COLEC11: variants seen among roughly 807,000 people sequenced by gnomAD.
COLEC11 encodes collectin subfamily member 11.
COLEC11 carries 20 observed loss-of-function variants against 27.3 expected under a neutral mutation model. That is an observed-to-expected ratio of 0.73 (90% confidence interval 0.51 to 1.06). The LOEUF (loss-of-function observed/expected upper bound fraction) is 1.06. COLEC11 is among the 50% of genes least tolerant of loss of function. The pLI, the probability that COLEC11 is intolerant of heterozygous loss-of-function variation, is 0.00. For synonymous variants in COLEC11, 163 were observed against 154.7 expected (o/e 1.05, Z -0.40); for missense variants, 310 against 383.0 (o/e 0.81, Z 1.59).
chr2:3,644,081 T>C lies in COLEC11; in HGVS notation c.779T>C (p.Met260Thr), dbSNP rs1666099045. Residue 260 changes from methionine to threonine, a missense_variant, in exon 7 of 7, where the codon ATG (methionine) becomes ACG (threonine). Transcript: ENST00000349077. ...GWNDVACHTT[M>T]YFMCEFDKEN... Reference sequence around the variant, plus strand: ...AACGACGTGGCCTGCCACACCACCATGTACTTCATGTGTGAGTTTGACAAG... The same window carrying C: ...AACGACGTGGCCTGCCACACCACCACGTACTTCATGTGTGAGTTTGACAAG... 1 of 1,613,476 alleles carries C rather than the reference T, an allele frequency of 6.2e-7. No individual in the cohort carries two copies. The highest frequency in any genetic ancestry group is 8.5e-7 in the Non-Finnish European group (1 of 1,180,040).
intron 3 of COLEC11, among the ~76,000 whole-genome samples, chr2:3,632,973 C>T (rs1429448864): frequency 6.6e-6 from 1 of 152,188 alleles, no homozygotes; most frequent in Non-Finnish European, 1.5e-5. Context: ...CAACTATTTG[C>T]TAAGAAGCTT....
At chr2:3,634,915 C>A (rs571938192) in intron 3 of COLEC11, among the ~76,000 whole-genome samples, 28 of 89,062 alleles carry the variant, frequency 3.1e-4, no homozygotes, top group African/African-American at 2.8e-3. Context: ...TCACTGGGTG[C>A]CCCCAGCGAT....
At chr2:3,605,218 G>C (rs1216928814) in intron 2 of COLEC11, 2 of 419,752 alleles carry the variant, frequency 4.8e-6, no homozygotes, top group Non-Finnish European at 9.8e-6. Flanking sequence ...CAGAGTGTGT[G>C]CCAGTGTCGG....
rs1041362030 is a variant in COLEC11 at position 3,624,333 on chromosome 2, G to T, written c.202+10951G>T. Among the ~76,000 whole-genome samples, 3 of 152,274 alleles carry T rather than the reference G, an allele frequency of 2.0e-5. No homozygotes were observed. The East Asian group carries it at 5.8e-4, about 29-fold the overall frequency. On this transcript the variant is annotated intron_variant, in intron 3 of 6. Coordinates refer to ENST00000349077, the MANE Select transcript of COLEC11 (RefSeq NM_024027.5). ...GTGGTCCAGTTGGGATGGTTCACAG[G>T]AAAGGCGTCTCCATCAGCTTGTTGG...
Position 3,630,940 on chromosome 2 carries a change from G to A in COLEC11, c.203-6593G>A, listed in dbSNP as rs191271362. 3.3e-5 allele frequency among the ~76,000 whole-genome samples: 5 copies of A among 152,200 alleles called. No homozygotes were observed. In the East Asian group the frequency reaches 9.6e-4, roughly 29 times the overall value. On this transcript the variant is annotated intron_variant, in intron 3 of 6. Transcript: ENST00000349077. ...GATTGTACTGGTAAAGCCACGTTTCGTCTTCTGTTACAATTTTGAAGAAAT... is the reference window on the plus strand; with the variant it reads ...GATTGTACTGGTAAAGCCACGTTTCATCTTCTGTTACAATTTTGAAGAAAT...
intron 5 of COLEC11, among the ~76,000 whole-genome samples, chr2:3,641,973 C>T (rs1032483099): frequency 1.8e-4 from 28 of 152,206 alleles, no homozygotes; most frequent in Non-Finnish European, 2.2e-4. Context: ...CACGGGGAGC[C>T]CCGGCACCAC....
At chr2:3,614,560 G>A (rs1038620054) in intron 3 of COLEC11, among the ~76,000 whole-genome samples, 2 of 151,412 alleles carry the variant, frequency 1.3e-5, no homozygotes, top group African/African-American at 4.9e-5. Flanking sequence ...TTTTAAATCA[G>A]CTTTCCATTT....
At chr2:3,616,374 T>C (rs1458315587) in intron 3 of COLEC11, among the ~76,000 whole-genome samples, 5 of 151,758 alleles carry the variant, frequency 3.3e-5, no homozygotes, top group Non-Finnish European at 5.9e-5. Context: ...GGGCAGAGGC[T>C]GCAATCTCGG....
At chr2:3,606,947 C>G (rs1243748229) in intron 2 of COLEC11, among the ~76,000 whole-genome samples, 1 of 152,220 alleles carries the variant, frequency 6.6e-6, no homozygotes, top group Non-Finnish European at 1.5e-5. Context: ...AGACAAGCGT[C>G]CGTTGAGAAT....
At chr2:3,604,528 C>T in intron 2 of COLEC11, 58 bp downstream of exon 2, 1 of 1,582,662 alleles carries the variant, frequency 6.3e-7, no homozygotes, top group Non-Finnish European at 8.7e-7. Flanking sequence ...AGCTGAGAGA[C>T]TCCCATGCAA....
chr2:3,596,745 C>T (rs75490195), intron 1 of COLEC11, among the ~76,000 whole-genome samples: 3,352 of 152,260 alleles, frequency 0.022, 96 homozygotes, highest in African/African-American at 0.062. Flanking sequence ...GGGCCCTGAG[C>T]GTCTTGGGCC....
intron 3 of COLEC11, among the ~76,000 whole-genome samples, chr2:3,629,809 A>G (rs893069404): frequency 2.0e-5 from 3 of 152,304 alleles, no homozygotes; most frequent in African/African-American, 7.2e-5. Context: ...GAGGAAACTG[A>G]ATTCCAAGTG....
chr2:3,618,255 C>T (rs954546309), intron 3 of COLEC11, among the ~76,000 whole-genome samples: 1 of 152,098 alleles, frequency 6.6e-6, no homozygotes, highest in Non-Finnish European at 1.5e-5. Flanking sequence ...GGTCATATCC[C>T]AAAAAATCAT....
At chr2:3,603,529 C>A in intron 1 of COLEC11, 2 of 885,046 alleles carry the variant, frequency 2.3e-6, no homozygotes, top group Non-Finnish European at 3.7e-6. Context: ...GTTGTCCAGA[C>A]TGGTCTCGAA....
At chr2:3,617,840 C>G in intron 3 of COLEC11, 2 of 638,770 alleles carry the variant, frequency 3.1e-6, no homozygotes, top group Non-Finnish European at 5.7e-6. Context: ...TTCTCCACAT[C>G]TTCTCCAATG....
intron 3 of COLEC11, among the ~76,000 whole-genome samples, chr2:3,623,650 C>CT (rs200259219): frequency 7.9e-5 from 12 of 151,492 alleles, no homozygotes; most frequent in East Asian, 1.9e-4. Context: ...CTGTTTGGTT[C>CT]TTTTTTTAAA....
In COLEC11 at chr2:3,602,776, G is replaced by A. The variant is rs1205924076; in HGVS notation, c.-26-1539G>A. ...AGCCCACCTCTCCCCGCACTGTCCG[G>A]CATGCACTGCCTCAAGGCTTTCTCT... On this transcript the variant is annotated intron_variant, in intron 1 of 6. Coordinates refer to ENST00000349077, the MANE Select transcript of COLEC11 (RefSeq NM_024027.5). This position sits in a 1 kb window ranked among gnomAD's most constrained non-coding sequence, Gnocchi z 6.2. Among the ~76,000 whole-genome samples, 1 of 152,124 alleles carries A rather than the reference G, an allele frequency of 6.6e-6. No individual in the cohort carries two copies. Among genetic ancestry groups the A allele is most frequent in the Non-Finnish European group, 1.5e-5 (1 of 68,016 alleles).
chr2:3,614,930 AG>A (rs1432364120), intron 3 of COLEC11, among the ~76,000 whole-genome samples: 1 of 152,236 alleles, frequency 6.6e-6, no homozygotes, highest in Non-Finnish European at 1.5e-5. Flanking sequence ...TAGCAGTTGA[AG>A]AAAGAACAGT....
intron 4 of COLEC11, 41 bp downstream of exon 4, chr2:3,637,645 C>G (rs1300648599): frequency 1.3e-6 from 2 of 1,497,628 alleles, no homozygotes; most frequent in Non-Finnish European, 1.9e-6. Flanking sequence ...CCCCCTGCCC[C>G]TAGGGTCAGC....
Sources: allele counts gnomAD v4.1 joint callset (sites outside exome capture counted in the v4.1 genomes callset), GRCh38; gene constraint gnomAD v4.1.1; non-coding constraint Gnocchi (gnomAD v3.1); transcripts MANE v1.5; gene names NCBI Gene and HGNC (gene_info 2026-07-23, HGNC 2026-07-21).